DAB1: variants seen among roughly 807,000 people sequenced by gnomAD.
DAB1 encodes the protein DAB adaptor protein 1.
A neutral mutation model predicts 64.6 loss-of-function variants in DAB1; 15 were observed. The ratio of observed to expected loss-of-function variants is 0.23; its 90% CI spans 0.16 to 0.36. DAB1 has a LOEUF of 0.36. DAB1 is among the 10% of genes least tolerant of loss of function. The pLI, the probability that DAB1 is intolerant of heterozygous loss-of-function variation, is 1.00. For missense variants in DAB1, 596 were observed against 706.7 expected (o/e 0.84, Z 1.78); for synonymous variants, 235 against 251.9 (o/e 0.93, Z 0.64).
intron 8 of DAB1, among the ~76,000 whole-genome samples, chr1:57,067,744 G>GA (rs753470286): frequency 2.7e-5 from 4 of 150,288 alleles, no homozygotes; most frequent in South Asian, 2.1e-4. Context: ...AAGCCCAGAG[G>GA]AAAAAAAAAT....
chr1:57,883,915 A>T (rs1217756628), intron 1 of DAB1: 1 of 152,226 alleles, frequency 6.6e-6, no homozygotes, highest in East Asian at 1.9e-4. Context: ...GAAAGAAACA[A>T]AATCATGCTC....
intron 5 of DAB1, among the ~76,000 whole-genome samples, chr1:57,916,816 G>A (rs763874372): frequency 1.8e-4 from 28 of 152,046 alleles, no homozygotes; most frequent in Non-Finnish European, 2.6e-4. Context: ...GGTCACGCAC[G>A]CCTGTAATCC....
intron 1 of DAB1, among the ~76,000 whole-genome samples, chr1:57,322,705 C>T (rs983291867): frequency 2.0e-5 from 3 of 152,148 alleles, no homozygotes; most frequent in Non-Finnish European, 4.4e-5. Flanking sequence ...TCTCAGCATA[C>T]ACAAATATAG....
At chr1:58,011,027 G>A (rs1326171127) in intron 5 of DAB1, among the ~76,000 whole-genome samples, 1 of 152,182 alleles carries the variant, frequency 6.6e-6, no homozygotes, top group African/African-American at 2.4e-5. Flanking sequence ...AGAGGTAACT[G>A]TGGCTCATTG....
intron 2 of DAB1, among the ~76,000 whole-genome samples, chr1:57,150,703 G>A (rs931031880): frequency 6.6e-6 from 1 of 152,164 alleles, no homozygotes; most frequent in African/African-American, 2.4e-5. Context: ...TTTGAGTAAA[G>A]CCTTGTAAAA....
intron 4 of DAB1, among the ~76,000 whole-genome samples, chr1:58,220,050 C>A (rs901537605): frequency 6.6e-6 from 1 of 152,182 alleles, no homozygotes; most frequent in Non-Finnish European, 1.5e-5. Context: ...AGTGACACTG[C>A]CTGACCAGTA....
intron 4 of DAB1, among the ~76,000 whole-genome samples, chr1:58,260,753 G>A (rs17117202): frequency 0.027 from 4,078 of 152,024 alleles, 280 homozygotes; most frequent in East Asian, 0.22. Flanking sequence ...TCTGACTTCC[G>A]CTCATCTTTC....
intron 4 of DAB1, among the ~76,000 whole-genome samples, chr1:57,109,292 C>G (rs1655443142): frequency 6.6e-6 from 1 of 152,184 alleles, no homozygotes; most frequent in South Asian, 2.1e-4. Flanking sequence ...GGGGTTCTAG[C>G]ATGCTTGTGT....
intron 5 of DAB1, among the ~76,000 whole-genome samples, chr1:58,056,728 G>A (rs765583954): frequency 3.9e-5 from 6 of 152,192 alleles, no homozygotes; most frequent in East Asian, 1.9e-4. Context: ...TTTGTCCTCC[G>A]GTTGAGGTAA....
intron 4 of DAB1, among the ~76,000 whole-genome samples, chr1:58,302,957 C>A (rs1402363749): frequency 6.6e-6 from 1 of 152,138 alleles, no homozygotes; most frequent in Non-Finnish European, 1.5e-5. Flanking sequence ...CTGTTTGCAT[C>A]CAGATCTGTT....
intron 3 of DAB1, among the ~76,000 whole-genome samples, chr1:58,462,323 T>TC (rs560214025): frequency 1.7e-3 from 264 of 152,138 alleles, no homozygotes; most frequent in African/African-American, 5.6e-3. Context: ...AGACGGGGTT[T>TC]CACCTTGTTA....
intron 6 of DAB1, among the ~76,000 whole-genome samples, chr1:57,813,723 G>A (rs1024603351): frequency 6.6e-6 from 1 of 152,146 alleles, no homozygotes; most frequent in African/African-American, 2.4e-5. Flanking sequence ...TAAATGAAGA[G>A]AAGACTACAG....
At chr1:57,325,554 A>G (rs1178665307) in intron 1 of DAB1, among the ~76,000 whole-genome samples, 2 of 152,218 alleles carry the variant, frequency 1.3e-5, no homozygotes, top group Non-Finnish European at 2.9e-5. Flanking sequence ...ATGTTTATAC[A>G]TCTACTTGTT....
intron 4 of DAB1, among the ~76,000 whole-genome samples, chr1:58,215,128 T>C (rs1658775857): frequency 6.6e-6 from 1 of 152,160 alleles, no homozygotes; most frequent in Non-Finnish European, 1.5e-5. Context: ...TTTGACCCCC[T>C]CTTCTATCAT....
At chr1:57,889,654 C>T (rs920450106) in intron 5 of DAB1, among the ~76,000 whole-genome samples, 2 of 152,170 alleles carry the variant, frequency 1.3e-5, no homozygotes, top group African/African-American at 4.8e-5. Flanking sequence ...GATCTTTATG[C>T]AGGGGAGCTA....
At chr1:57,247,389 T>C (rs764701278) in intron 2 of DAB1, among the ~76,000 whole-genome samples, 2 of 152,196 alleles carry the variant, frequency 1.3e-5, no homozygotes, top group Non-Finnish European at 2.9e-5. Context: ...CTTGTTTCCC[T>C]TCTCCTTCTG....
chr1:57,103,868 A>G (rs1654903294), intron 4 of DAB1, among the ~76,000 whole-genome samples: 2 of 152,090 alleles, frequency 1.3e-5, no homozygotes, highest in African/African-American at 4.8e-5. Context: ...AGTGCAGGGG[A>G]GTGATGTTGG....
chr1:57,711,906 T>C (rs1271787345), intron 6 of DAB1, among the ~76,000 whole-genome samples: 1 of 152,220 alleles, frequency 6.6e-6, no homozygotes, highest in Admixed American at 6.5e-5. Flanking sequence ...TAGACTAACA[T>C]GTTATTGGAA....
At chr1:57,254,633 A>G (rs1396770713) in intron 2 of DAB1, among the ~76,000 whole-genome samples, 1 of 152,162 alleles carries the variant, frequency 6.6e-6, no homozygotes, top group East Asian at 1.9e-4. Flanking sequence ...TAACCTCCTA[A>G]AAACACTCCA....
Sources: gnomAD v4.1 joint callset for allele counts (sites outside exome capture counted in the v4.1 genomes callset) on GRCh38, gnomAD v4.1.1 for gene constraint, MANE v1.5 for transcripts, NCBI Gene and HGNC (gene_info 2026-07-23, HGNC 2026-07-21) for gene names.